Variants in OSBP2 observed in about 807,000 individuals in gnomAD.
OSBP2 encodes oxysterol-binding protein 2.
In OSBP2, 66 loss-of-function variants were observed where a neutral mutation model predicts 96.0. That is an observed-to-expected ratio of 0.69 (90% CI 0.56 to 0.84). OSBP2 has a LOEUF of 0.84. Ranked by LOEUF, OSBP2 falls within the 40% of genes least tolerant of loss-of-function variation. OSBP2 has a pLI of 0.00. For missense variants in OSBP2, 1,038 were observed against 1,222.7 expected (o/e 0.85, Z 2.25); for synonymous variants, 525 against 520.9 (o/e 1.01, Z -0.11).
At chr22:30,833,055 T>C (rs2038561206) in intron 2 of OSBP2, among the ~76,000 whole-genome samples, 1 of 152,236 alleles carries the variant, frequency 6.6e-6, no homozygotes, top group Non-Finnish European at 1.5e-5. Flanking sequence ...AGTTCTCACA[T>C]TGAGTTGAGA....
At chr22:30,722,914 G>A (rs543760959) in intron 1 of OSBP2, among the ~76,000 whole-genome samples, 27 of 151,250 alleles carry the variant, frequency 1.8e-4, no homozygotes, top group African/African-American at 6.5e-4. Flanking sequence ...TCTCCGAAGA[G>A]CTGGGACTAC....
rs561744906 is a variant in OSBP2, at chr22:30,757,418, CCTTTT to C, written c.853+16060_853+16064del. 8.4e-4 allele frequency among the ~76,000 whole-genome samples: 128 copies of C among 151,964 alleles called. 1 individual carries two copies. The highest frequency in any genetic ancestry group is 2.0e-3 in the Admixed American group (31 of 15,234). ...TTGGTTTTATCGCTGTTTTCTTTTTCCTTTTCTTTTCTTTTTTTTTTGAGACAGAG... is the reference window on the plus strand; with the variant it reads ...TTGGTTTTATCGCTGTTTTCTTTTTCCTTTTCTTTTTTTTTTGAGACAGAG... On this transcript the variant is annotated intron_variant, in intron 2 of 13. Coordinates refer to ENST00000332585, the MANE Select transcript of OSBP2 (RefSeq NM_030758.4).
intron 2 of OSBP2, among the ~76,000 whole-genome samples, chr22:30,784,453 C>T (rs115663893): frequency 0.033 from 4,979 of 151,950 alleles, 112 homozygotes; most frequent in Non-Finnish European, 0.052. Context: ...AAGACGAGGT[C>T]GTGCTATGTT....
At chr22:30,810,548 C>A (rs2090992028) in intron 2 of OSBP2, among the ~76,000 whole-genome samples, 1 of 152,138 alleles carries the variant, frequency 6.6e-6, no homozygotes, top group African/African-American at 2.4e-5. Flanking sequence ...TCACTGGTGT[C>A]CACGGCCATG....
intron 12 of OSBP2, chr22:30,902,637 CAG>C: frequency 1.6e-6 from 1 of 633,458 alleles, no homozygotes; most frequent in East Asian, 3.0e-5. Flanking sequence ...AAAGAACCGA[CAG>C]AGGAGGGAAG....
In OSBP2 at chr22:30,893,124, G is replaced by T; in HGVS notation, c.1872G>T (p.Val624=). ...ACATCCTATGGGTCTGGTCTCAGGT[G>T]AGCCACCACCCCCCCTCAGCTGCGC... ...DMGLRSLCEQ[V]SHHPPSAAHY... Residue 624 remains valine, a splice_region_variant and synonymous_variant, in exon 9 of 14, where the codon GTG becomes GTT. Coordinates refer to ENST00000332585, the MANE Select transcript of OSBP2 (RefSeq NM_030758.4). The T allele has an allele frequency of 6.2e-7, 1 of 1,613,900 alleles. No homozygotes were observed. Among genetic ancestry groups the T allele is most frequent in the Non-Finnish European group, 8.5e-7 (1 of 1,179,940 alleles).
chr22:30,845,098 A>G (rs2038841567), intron 2 of OSBP2, among the ~76,000 whole-genome samples: 1 of 152,232 alleles, frequency 6.6e-6, no homozygotes, highest in African/African-American at 2.4e-5. Flanking sequence ...CTGTAACATC[A>G]AAGATCTCTG....
chr22:30,695,380 G>A lies in OSBP2; in HGVS notation c.471G>A (p.Gln157=). 1 of 1,613,966 alleles carries A rather than the reference G, an allele frequency of 6.2e-7. No individual in the cohort carries two copies. The highest frequency in any genetic ancestry group is 8.5e-7 in the Non-Finnish European group (1 of 1,180,054). Residue 157 remains glutamine, a synonymous_variant, in exon 1 of 14, where the codon CAG becomes CAA. Transcript: ENST00000332585. The part of the protein sequence containing the change: ...LKPLPLLRPG[Q]AKTPLGVPMS... ...CCCTGCCTCTTCTGCGACCAGGACA[G>A]GCGAAGACTCCTCTTGGGGTTCCAA... is the stretch of plus-strand genomic sequence containing the variant.
intron 2 of OSBP2, among the ~76,000 whole-genome samples, chr22:30,806,079 G>GCTA (rs1264701748): frequency 6.6e-6 from 1 of 152,194 alleles, no homozygotes; most frequent in Non-Finnish European, 1.5e-5. Flanking sequence ...AGGCTTTCCT[G>GCTA]CAGTAACTCA....
intron 12 of OSBP2, among the ~76,000 whole-genome samples, chr22:30,895,951 T>C (rs1485237871): frequency 6.7e-6 from 1 of 150,120 alleles, no homozygotes; most frequent in Admixed American, 6.7e-5. Flanking sequence ...TTGGACACAG[T>C]ACTTTAAAGG....
chr22:30,790,828 A>C (rs2090664272), intron 2 of OSBP2, among the ~76,000 whole-genome samples: 1 of 151,908 alleles, frequency 6.6e-6, no homozygotes, highest in Non-Finnish European at 1.5e-5. Flanking sequence ...CCGTATCTCT[A>C]TGTTTGCTTC....
intron 2 of OSBP2, among the ~76,000 whole-genome samples, chr22:30,807,834 G>C (rs1461382290): frequency 6.6e-6 from 1 of 152,172 alleles, no homozygotes; most frequent in Non-Finnish European, 1.5e-5. Context: ...CTGGTGTGCA[G>C]TGATGCAGTC....
chr22:30,824,600 G>A (rs1301654586), intron 2 of OSBP2, among the ~76,000 whole-genome samples: 3 of 152,146 alleles, frequency 2.0e-5, no homozygotes, highest in African/African-American at 4.8e-5. Flanking sequence ...CCCTGACATC[G>A]TTATGGGAAT....
chr22:30,861,075 G>A (rs1322852987), intron 2 of OSBP2, among the ~76,000 whole-genome samples: 1 of 152,182 alleles, frequency 6.6e-6, no homozygotes, highest in African/African-American at 2.4e-5. Context: ...TTCCCCCAGT[G>A]AAAGGGAAGG....
intron 1 of OSBP2, among the ~76,000 whole-genome samples, chr22:30,736,199 C>T (rs1401368710): frequency 1.3e-5 from 2 of 152,206 alleles, no homozygotes; most frequent in Admixed American, 6.5e-5. Flanking sequence ...CAGGTGTGAG[C>T]CACCATCCCT....
intron 3 of OSBP2, among the ~76,000 whole-genome samples, chr22:30,878,010 G>A (rs141755751): frequency 6.6e-6 from 1 of 152,360 alleles, no homozygotes; most frequent in Admixed American, 6.5e-5. Flanking sequence ...AGCCAGTGAG[G>A]TGGGATGGGG....
intron 2 of OSBP2, among the ~76,000 whole-genome samples, chr22:30,808,012 A>G (rs1347981667): frequency 6.6e-6 from 1 of 150,600 alleles, no homozygotes; most frequent in East Asian, 2.0e-4. Flanking sequence ...CTGGTCTGGA[A>G]CTCCTGGGCT....
intron 2 of OSBP2, among the ~76,000 whole-genome samples, chr22:30,858,803 C>T (rs9609124): frequency 0.25 from 37,235 of 150,990 alleles, 5,715 homozygotes; most frequent in East Asian, 0.44. Flanking sequence ...TGCTTGAACC[C>T]GGGAGATGGA....
intron 2 of OSBP2, among the ~76,000 whole-genome samples, chr22:30,752,358 G>A (rs2090087823): frequency 7.4e-6 from 1 of 135,394 alleles, no homozygotes; most frequent in Non-Finnish European, 1.5e-5. Flanking sequence ...GAGTGCAGTG[G>A]CACCATCTCG....
Sources: gnomAD v4.1 joint callset for allele counts (sites outside exome capture counted in the v4.1 genomes callset) on GRCh38, gnomAD v4.1.1 for gene constraint, MANE v1.5 for transcripts, NCBI Gene and HGNC (gene_info 2026-07-23, HGNC 2026-07-21) for gene names.